Variants in KATNB1 observed in about 807,000 individuals in gnomAD.
KATNB1 encodes the protein katanin regulatory subunit B1.
In KATNB1, 38 loss-of-function variants were observed where a neutral mutation model predicts 82.3. That is an observed-to-expected ratio of 0.46 (90% CI 0.36 to 0.61). The LOEUF (loss-of-function observed/expected upper bound fraction) is 0.61, where lower values mean the gene tolerates loss of function less well. KATNB1 is among the 20% of genes least tolerant of loss of function. KATNB1 has a pLI of 0.00. For synonymous variants in KATNB1, 361 were observed against 368.7 expected (o/e 0.98, Z 0.24); for missense variants, 749 against 915.7 (o/e 0.82, Z 2.35).
intron 4 of KATNB1, among the ~76,000 whole-genome samples, chr16:57,749,333 G>A (rs1555582392): frequency 1.3e-5 from 2 of 152,226 alleles, no homozygotes; most frequent in Non-Finnish European, 2.9e-5. Flanking sequence ...GTAAGTGATT[G>A]GCCAGGGTCA....
chr16:57,750,235 G>A (rs1555582631), intron 4 of KATNB1, among the ~76,000 whole-genome samples: 1 of 152,198 alleles, frequency 6.6e-6, no homozygotes, highest in East Asian at 1.9e-4. Flanking sequence ...GTGGTTCCCT[G>A]GTTCTGCTTC....
intron 4 of KATNB1, among the ~76,000 whole-genome samples, chr16:57,748,239 T>A (rs2049197369): frequency 6.6e-6 from 1 of 151,994 alleles, no homozygotes; most frequent in African/African-American, 2.4e-5. Context: ...CAGGTAGAGC[T>A]AAGACCTCCG....
intron 9 of KATNB1, 39 bp downstream of exon 9, chr16:57,752,640 C>T (rs367575589): frequency 8.6e-5 from 133 of 1,548,822 alleles, no homozygotes; most frequent in African/African-American, 6.9e-4. Flanking sequence ...GCGCTCCTCC[C>T]GGCAGTGGGG....
intron 4 of KATNB1, among the ~76,000 whole-genome samples, chr16:57,749,401 CACATCCTG>C (rs1333578571): frequency 6.6e-6 from 1 of 152,224 alleles, no homozygotes; most frequent in Admixed American, 6.5e-5. Context: ...TGCCAGAGCC[CACATCCTG>C]ACTTTGGGGG....
Position 57,755,365 on chromosome 16 carries a change from G to A in KATNB1, c.1437G>A (p.Gln479=), listed in dbSNP as rs1006533416. 6.2e-7 allele frequency: 1 copy of A among 1,613,332 alleles called. No individual in the cohort carries two copies. The highest frequency in any genetic ancestry group is 2.2e-5 in the East Asian group (1 of 44,886). The change falls in exon 16 of 20, where the codon CAG becomes CAA. Residue 479 remains glutamine, a synonymous_variant. Transcript: ENST00000379661. ...CGCAGGCCGTGAAGATCCCCCAGCA[G>A]GCCGAGCTGGTGGACGAGGATGCCA... ...DFLPAVKIPQ[Q]AELVDEDAMS...
Position 57,754,037 on chromosome 16 carries a change from C to T in KATNB1, c.1228+42C>T, listed in dbSNP as rs782290330. The T allele has an allele frequency of 2.9e-5, 44 of 1,529,122 alleles. No individual in the cohort carries two copies. The African/African-American group carries it at 5.1e-4, about 18-fold the overall frequency. The allele number at this position is 1,529,122 out of a possible 1,614,324, so 94.7% of individuals were successfully genotyped here. On this transcript the variant is annotated intron_variant, in intron 13 of 19. Coordinates refer to ENST00000379661, the MANE Select transcript of KATNB1 (RefSeq NM_005886.3). ...TGGTTTCCCAAGGTCTCTGATGCCCCCCCGTCCCTCATCTTCTCTTCCTGT... is the reference window on the plus strand; with the variant it reads ...TGGTTTCCCAAGGTCTCTGATGCCCTCCCGTCCCTCATCTTCTCTTCCTGT...
intron 2 of KATNB1, among the ~76,000 whole-genome samples, chr16:57,738,404 C>T (rs1005082787): frequency 9.9e-5 from 15 of 151,916 alleles, no homozygotes; most frequent in African/African-American, 2.4e-4. Flanking sequence ...CACAGGCACC[C>T]GCCACCACAC....
chr16:57,737,194 A>C lies in KATNB1; in HGVS notation c.-50A>C. The C allele has an allele frequency of 6.2e-7, 1 of 1,612,106 alleles. No individual in the cohort carries two copies. Among genetic ancestry groups the C allele is most frequent in the Non-Finnish European group, 8.5e-7 (1 of 1,178,834 alleles). On this transcript the variant is annotated 5_prime_UTR_variant, in exon 2 of 20. Coordinates refer to ENST00000379661, the MANE Select transcript of KATNB1 (RefSeq NM_005886.3). ...GGGATCCACCCCCACCCCACGAGGA[A>C]AGCACAGTTTATTTTGTGGGTGGGG... is the stretch of plus-strand genomic sequence containing the variant.
rs773054342 is a variant in KATNB1, at chr16:57,737,250, AC to A, written c.11del (p.Pro4LeufsTer54). 1.2e-6 allele frequency: 2 copies of A among 1,614,138 alleles called. No homozygotes were observed. The highest frequency in any genetic ancestry group is 1.7e-6 in the Non-Finnish European group (2 of 1,180,038). On this transcript the variant is annotated frameshift_variant, in exon 2 of 20. Coordinates refer to ENST00000379661, the MANE Select transcript of KATNB1 (RefSeq NM_005886.3). LOFTEE classifies it high-confidence loss of function. Reference protein sequence around the residue: MATPVVTKTAWKL... With the variant: MAXPVVTKTAWKL... ...GGTGCCAGCCAGCTGAAGGATGGCC[AC>A]CCCTGTGGTCACCAAGACAGCCTGG...
chr16:57,752,772 G>A lies in KATNB1; in HGVS notation c.705-6G>A. ...AGGACCCACGGCCATCTCTCGCCTG[G>A]CCCAGGAGCGTCCTCTTCAACCCAG... On this transcript the variant is annotated splice_polypyrimidine_tract_variant and splice_region_variant and intron_variant, in intron 9 of 19. Coordinates refer to ENST00000379661, the MANE Select transcript of KATNB1 (RefSeq NM_005886.3). 6.2e-7 allele frequency: 1 copy of A among 1,608,702 alleles called. No homozygotes were observed. The highest frequency in any genetic ancestry group is 8.5e-7 in the Non-Finnish European group (1 of 1,178,926).
At chr16:57,736,514 G>A (rs1244660905) in intron 1 of KATNB1, among the ~76,000 whole-genome samples, 1 of 152,148 alleles carries the variant, frequency 6.6e-6, no homozygotes, top group Non-Finnish European at 1.5e-5. Context: ...CCAGGAGCTG[G>A]GGAATTGGAC....
chr16:57,756,250 GTGTGTC>G lies in KATNB1; in HGVS notation c.1719-96_1719-91del, dbSNP rs1458299750. 1.1e-5 allele frequency: 12 copies of G among 1,138,750 alleles called. No homozygotes were observed. In the Admixed American group the frequency reaches 1.4e-4, roughly 13 times the overall value. 70.5% of individuals were successfully genotyped at this position (1,138,750 alleles called of 1,614,324 possible). On this transcript the variant is annotated intron_variant, in intron 18 of 19. Coordinates refer to ENST00000379661, the MANE Select transcript of KATNB1 (RefSeq NM_005886.3). Reference sequence around the variant, plus strand: ...CAGGCGTGTGTGGGTGTATGTGTGGGTGTGTCTGTGTCTGTTTCTGCCCCTCTCCTC... The same window carrying G: ...CAGGCGTGTGTGGGTGTATGTGTGGGTGTGTCTGTTTCTGCCCCTCTCCTC...
chr16:57,748,052 C>T (rs111492911), intron 4 of KATNB1, among the ~76,000 whole-genome samples: 5,111 of 152,170 alleles, frequency 0.034, 190 homozygotes, highest in African/African-American at 0.091. Context: ...CAGGTGATTC[C>T]GATGGACAGC....
intron 3 of KATNB1, among the ~76,000 whole-genome samples, chr16:57,742,516 C>A (rs2049150844): frequency 6.6e-6 from 1 of 152,222 alleles, no homozygotes; most frequent in East Asian, 1.9e-4. Flanking sequence ...TGCATGTACA[C>A]ATGTATACAC....
intron 2 of KATNB1, among the ~76,000 whole-genome samples, chr16:57,740,887 G>A (rs563927878): frequency 1.3e-5 from 2 of 152,276 alleles, no homozygotes; most frequent in African/African-American, 4.8e-5. Flanking sequence ...CTCTCTCATG[G>A]TGACTAGCCC....
At position 57,751,891 on chromosome 16, in the gene KATNB1, G is replaced by A; in HGVS notation, c.517-49G>A. On this transcript the variant is annotated intron_variant, in intron 7 of 19. Coordinates refer to ENST00000379661, the MANE Select transcript of KATNB1 (RefSeq NM_005886.3). The surrounding 1 kb of genome is among the most constrained non-coding windows in gnomAD (Gnocchi z 6.3). ...TTGGCCTGGATTAGAGGGAGGGTGGGCAGCCAAGATGCCTGGTCACCCTGA... is the reference window on the plus strand; with the variant it reads ...TTGGCCTGGATTAGAGGGAGGGTGGACAGCCAAGATGCCTGGTCACCCTGA... 3 of 1,483,848 alleles carry A rather than the reference G, an allele frequency of 2.0e-6. No individual in the cohort carries two copies. The highest frequency in any genetic ancestry group is 2.8e-6 in the Non-Finnish European group (3 of 1,066,744). The allele number at this position is 1,483,848 out of a possible 1,614,324, so 91.9% of individuals were successfully genotyped here.
In KATNB1 at chr16:57,755,166, C is replaced by G. The variant is rs138134941; in HGVS notation, c.1344C>G (p.Pro448=). The stretch of plus-strand genomic sequence containing the variant: ...CAGTGGTTGCTTCCACACCTGCACC[C>G]AAGGCTGAGCCTGCCATCATCCCTG... ...RPPVVASTPA[P]KAEPAIIPAT... is the part of the protein sequence containing the mutation. The change falls in exon 15 of 20, where the codon CCC becomes CCG. Residue 448 remains proline, a synonymous_variant. Coordinates refer to ENST00000379661, the MANE Select transcript of KATNB1 (RefSeq NM_005886.3). The G allele has an allele frequency of 1.9e-5, 31 of 1,612,578 alleles. No homozygotes were observed. The highest frequency in any genetic ancestry group is 8.3e-5 in the Admixed American group (5 of 60,022).
At chr16:57,743,562 G>A (rs549633686) in intron 3 of KATNB1, among the ~76,000 whole-genome samples, 7 of 152,274 alleles carry the variant, frequency 4.6e-5, no homozygotes, top group Non-Finnish European at 1.0e-4. Flanking sequence ...GACATGCCAC[G>A]ACCCCCAGAG....
chr16:57,737,042 A>T lies in KATNB1; in HGVS notation c.-202A>T, dbSNP rs1348036696. The T allele has an allele frequency of 2.8e-6, 2 of 707,680 alleles. No individual in the cohort carries two copies. The highest frequency in any genetic ancestry group is 4.0e-5 in the Admixed American group (2 of 49,942). 43.8% of individuals were successfully genotyped at this position (707,680 alleles called of 1,614,324 possible). A position where few individuals can be genotyped will look rare whatever the true frequency, so the allele number is the denominator to read the frequency against. ...TGATCCAGGATCGTGACAGATGTGCACAGGCTGCTGCTGTTGCTGCTGTGG... is the reference window on the plus strand; with the variant it reads ...TGATCCAGGATCGTGACAGATGTGCTCAGGCTGCTGCTGTTGCTGCTGTGG... On this transcript the variant is annotated 5_prime_UTR_variant, in exon 2 of 20. Transcript: ENST00000379661.
Sources: allele counts gnomAD v4.1 joint callset (sites outside exome capture counted in the v4.1 genomes callset), GRCh38; gene constraint gnomAD v4.1.1; non-coding constraint Gnocchi (gnomAD v3.1); transcripts MANE v1.5; gene names NCBI Gene and HGNC (gene_info 2026-07-23, HGNC 2026-07-21).